The following ATP2B2 variants were observed in gnomAD, a reference collection of about 807,000 sequenced individuals.
ATP2B2 encodes plasma membrane calcium-transporting ATPase 2.
A neutral mutation model predicts 120.0 loss-of-function variants in ATP2B2; 15 were observed. That is an observed-to-expected ratio of 0.12 (90% CI 0.08 to 0.19). ATP2B2 has a LOEUF of 0.19. ATP2B2 is among the 10% of genes least tolerant of loss of function. The pLI, the probability that ATP2B2 is intolerant of heterozygous loss-of-function variation, is 1.00. For missense variants in ATP2B2, 1,045 were observed against 1,719.8 expected, an observed-to-expected ratio of 0.61 and a Z score of 6.94; for synonymous variants, 694 against 700.3, an observed-to-expected ratio of 0.99 and a Z score of 0.14.
intron 1 of ATP2B2, among the ~76,000 whole-genome samples, chr3:10,477,397 C>T (rs999044349): frequency 6.6e-6 from 1 of 152,196 alleles, no homozygotes; most frequent in African/African-American, 2.4e-5. Flanking sequence ...GTTAAGTCTA[C>T]ATAACATGGG....
At chr3:10,704,394 C>A (rs1394144911) in intron 1 of ATP2B2, among the ~76,000 whole-genome samples, 3 of 152,200 alleles carry the variant, frequency 2.0e-5, no homozygotes, top group Non-Finnish European at 4.4e-5. Context: ...TCACCCACCT[C>A]TTCCCTGCTG....
At chr3:10,605,497 G>A (rs1423331906) in intron 2 of ATP2B2, among the ~76,000 whole-genome samples, 1 of 152,202 alleles carries the variant, frequency 6.6e-6, no homozygotes, top group Non-Finnish European at 1.5e-5. Context: ...AGGCTGGGGG[G>A]AAACTGGGGA....
chr3:10,567,002 G>C (rs750625511), intron 2 of ATP2B2, among the ~76,000 whole-genome samples: 1 of 152,226 alleles, frequency 6.6e-6, no homozygotes, highest in African/African-American at 2.4e-5. Context: ...TCTTCAATGT[G>C]TGGGGCCCAT....
intron 2 of ATP2B2, among the ~76,000 whole-genome samples, chr3:10,562,570 C>A (rs2067927110): frequency 6.6e-6 from 1 of 152,174 alleles, no homozygotes; most frequent in Non-Finnish European, 1.5e-5. Context: ...CCCTCACCTC[C>A]AGCGCCTTTC....
intron 2 of ATP2B2, among the ~76,000 whole-genome samples, chr3:10,553,465 C>G (rs1349203848): frequency 6.6e-6 from 1 of 152,170 alleles, no homozygotes; most frequent in Non-Finnish European, 1.5e-5. Flanking sequence ...GGTGGGTGAC[C>G]AGAAGGTTGA....
At chr3:10,591,060 T>C (rs1212976595) in intron 2 of ATP2B2, among the ~76,000 whole-genome samples, 4 of 151,888 alleles carry the variant, frequency 2.6e-5, no homozygotes, top group African/African-American at 9.7e-5. Context: ...CCTGCTTGCC[T>C]ACAACTGGAA....
chr3:10,376,509 C>A (rs764689255), intron 10 of ATP2B2, among the ~76,000 whole-genome samples: 1 of 152,102 alleles, frequency 6.6e-6, no homozygotes, highest in Admixed American at 6.5e-5. Flanking sequence ...AATGCTGTAA[C>A]GGTAGGAACG....
Position 10,635,026 on chromosome 3 carries a change from GAAGA to G in ATP2B2, c.-459-15069_-459-15066del, listed in dbSNP as rs897757491. ...TGGGATTGGTTGTTCCTACGTGATA[GAAGA>G]AAGAGCCTTCCAACACTCGCAGGAC... On this transcript the variant is annotated intron_variant, in intron 1 of 21. Coordinates refer to the ATP2B2 transcript ENST00000646379. This position sits in a 1 kb window ranked among gnomAD's most constrained non-coding sequence, Gnocchi z 4.3. 5.9e-5 allele frequency among the ~76,000 whole-genome samples: 9 copies of G among 152,070 alleles called. No homozygotes were observed. Among genetic ancestry groups the G allele is most frequent in the Admixed American group, 1.3e-4 (2 of 15,264 alleles).
intron 2 of ATP2B2, among the ~76,000 whole-genome samples, chr3:10,589,025 C>T (rs903228864): frequency 6.6e-6 from 1 of 152,100 alleles, no homozygotes; most frequent in Admixed American, 6.5e-5. Context: ...GGGCGGGCGG[C>T]AAGAAGGGGA....
intron 12 of ATP2B2, among the ~76,000 whole-genome samples, chr3:10,362,152 G>A (rs2060918949): frequency 6.6e-6 from 1 of 152,196 alleles, no homozygotes; most frequent in Admixed American, 6.5e-5. Context: ...CTATGAACAC[G>A]CCTGTGTCCC....
intron 2 of ATP2B2, among the ~76,000 whole-genome samples, chr3:10,590,007 T>A (rs752814614): frequency 6.6e-6 from 1 of 152,160 alleles, no homozygotes; most frequent in Non-Finnish European, 1.5e-5. Context: ...TTCCCCAAAC[T>A]GAAAACAATC....
chr3:10,428,288 A>C (rs1365040349), intron 2 of ATP2B2, among the ~76,000 whole-genome samples: 1 of 152,280 alleles, frequency 6.6e-6, no homozygotes, highest in Non-Finnish European at 1.5e-5. Flanking sequence ...ATGTGGTAGA[A>C]GGGTGAGCCA....
At chr3:10,606,349 C>T (rs779973639) in intron 2 of ATP2B2, among the ~76,000 whole-genome samples, 11 of 152,222 alleles carry the variant, frequency 7.2e-5, no homozygotes, top group South Asian at 2.1e-4. Context: ...TGTCAAGAGC[C>T]TGGCTTGTGT....
chr3:10,520,850 G>A (rs1179660412), intron 3 of ATP2B2, among the ~76,000 whole-genome samples: 1 of 150,948 alleles, frequency 6.6e-6, no homozygotes, highest in Non-Finnish European at 1.5e-5. Context: ...TATGGCATAC[G>A]TGGCTTCGGC....
At chr3:10,608,984 A>T (rs927410726) in intron 2 of ATP2B2, among the ~76,000 whole-genome samples, 10 of 152,202 alleles carry the variant, frequency 6.6e-5, no homozygotes, top group Admixed American at 5.9e-4. Context: ...CCTTGACTGC[A>T]AGCCAACAGC....
chr3:10,514,956 GT>G (rs984305459), intron 3 of ATP2B2, among the ~76,000 whole-genome samples: 3 of 152,210 alleles, frequency 2.0e-5, no homozygotes, highest in Admixed American at 6.5e-5. Flanking sequence ...TGCTGACCTT[GT>G]CCCCCCAGCC....
intron 1 of ATP2B2, among the ~76,000 whole-genome samples, chr3:10,464,035 C>A (rs2064620362): frequency 6.6e-6 from 1 of 152,164 alleles, no homozygotes; most frequent in Non-Finnish European, 1.5e-5. Context: ...GACCCTGGAA[C>A]CCCATGCCCT....
At chr3:10,600,904 G>T (rs1342127581) in intron 2 of ATP2B2, among the ~76,000 whole-genome samples, 1 of 151,924 alleles carries the variant, frequency 6.6e-6, no homozygotes, top group Admixed American at 6.5e-5. Flanking sequence ...CCCAGATGAA[G>T]TGTTTGGGGC....
intron 2 of ATP2B2, among the ~76,000 whole-genome samples, chr3:10,537,234 A>G (rs1411576006): frequency 2.6e-5 from 4 of 152,184 alleles, no homozygotes; most frequent in Admixed American, 6.5e-5. Context: ...TATAAATTTT[A>G]TAATCTTTTC....
Sources: gnomAD v4.1 joint callset for allele counts (sites outside exome capture counted in the v4.1 genomes callset) on GRCh38, gnomAD v4.1.1 for gene constraint, Gnocchi (gnomAD v3.1) non-coding constraint, MANE v1.5 for transcripts, NCBI Gene and HGNC (gene_info 2026-07-23, HGNC 2026-07-21) for gene names.